Variants in EVI5 observed in about 807,000 individuals in gnomAD.
The protein encoded by EVI5 is ecotropic viral integration site 5 protein homolog.
A neutral mutation model predicts 112.0 loss-of-function variants in EVI5; 73 were observed. The ratio of observed to expected loss-of-function variants is 0.65; its 90% CI spans 0.54 to 0.79. The LOEUF is 0.79. Ranked by LOEUF, EVI5 falls within the 30% of genes least tolerant of loss-of-function variation. The pLI is 0.00. For synonymous variants in EVI5, 305 were observed against 319.9 expected, an observed-to-expected ratio of 0.95 and a Z score of 0.50; for missense variants, 900 against 968.8, an observed-to-expected ratio of 0.93 and a Z score of 0.94.
intron 1 of EVI5, among the ~76,000 whole-genome samples, chr1:92,790,304 G>C (rs924730032): frequency 6.6e-6 from 1 of 151,776 alleles, no homozygotes; most frequent in African/African-American, 2.4e-5. Flanking sequence ...GTGGGGCCCT[G>C]TCTCAAAAAT....
intron 1 of EVI5, chr1:92,756,316 G>A (rs564150492): frequency 2.1e-6 from 1 of 467,350 alleles, no homozygotes; most frequent in Admixed American, 2.3e-5. Flanking sequence ...GCTGGCCAAC[G>A]ATTTGCCTGG....
At chr1:92,608,298 A>T (rs1276758222) in intron 16 of EVI5, among the ~76,000 whole-genome samples, 1 of 152,254 alleles carries the variant, frequency 6.6e-6, no homozygotes, top group African/African-American at 2.4e-5. Context: ...TCTTATACAC[A>T]ACTTGAAGGT....
chr1:92,607,402 C>T (rs1166990413), intron 17 of EVI5, 179 bp downstream of exon 17: 4 of 440,168 alleles, frequency 9.1e-6, no homozygotes, highest in Non-Finnish European at 1.6e-5. Flanking sequence ...AAAATCCACC[C>T]CAGAAGCAAG....
intron 9 of EVI5, among the ~76,000 whole-genome samples, chr1:92,679,653 T>G (rs539633598): frequency 3.3e-5 from 5 of 152,204 alleles, no homozygotes; most frequent in Admixed American, 6.5e-5. Flanking sequence ...TTGTTATAAT[T>G]AATGAACCAA....
chr1:92,623,873 A>G (rs1470538876), intron 16 of EVI5, among the ~76,000 whole-genome samples: 1 of 152,240 alleles, frequency 6.6e-6, no homozygotes, highest in Admixed American at 6.5e-5. Context: ...GTTGAGGTTG[A>G]GAAATTTTGC....
At chr1:92,682,311 A>G (rs1305027920) in intron 9 of EVI5, among the ~76,000 whole-genome samples, 6 of 152,098 alleles carry the variant, frequency 3.9e-5, no homozygotes, top group African/African-American at 1.4e-4. Flanking sequence ...AAGAGTGCTC[A>G]TCTCTCCATG....
chr1:92,706,222 CA>C (rs1251379507), intron 2 of EVI5, among the ~76,000 whole-genome samples: 1 of 151,764 alleles, frequency 6.6e-6, no homozygotes, highest in Non-Finnish European at 1.5e-5. Flanking sequence ...TATTTCAGAA[CA>C]AGGTCTCTGA....
rs913851744 is a variant in EVI5 at position 92,528,045 on chromosome 1, G to A, written c.2167-14075C>T. 6.6e-5 allele frequency among the ~76,000 whole-genome samples: 10 copies of A among 152,122 alleles called. No individual in the cohort carries two copies. The South Asian group carries it at 8.3e-4, about 13-fold the overall frequency. On this transcript the variant is annotated intron_variant, in intron 19 of 19. Coordinates refer to ENST00000684568, the MANE Select transcript of EVI5 (RefSeq NM_001350197.2). ...CCATTTTCCACAGAGTTTGTAATAG[G>A]CTCCTTACTTTTTGCAAGAGAACTT...
In EVI5 at chr1:92,719,099, C is replaced by T. The variant is rs1012919770; in HGVS notation, c.150-14355G>A. On this transcript the variant is annotated intron_variant, in intron 2 of 19. Transcript: ENST00000684568. ...GTTCAGGACCAGATGGATTCACAGC[C>T]GAATTCTACCAGAGGTACAAAGAGG... Among the ~76,000 whole-genome samples the T allele has an allele frequency of 1.3e-4, 20 of 150,758 alleles. 1 individual carries two copies. In the South Asian group the frequency reaches 2.7e-3, roughly 20 times the overall value.
intron 19 of EVI5, among the ~76,000 whole-genome samples, chr1:92,532,491 G>A (rs7414742): frequency 6.6e-6 from 1 of 151,850 alleles, no homozygotes; most frequent in Non-Finnish European, 1.5e-5. Context: ...TGTTCTTCTC[G>A]GCACCGCATC....
At chr1:92,632,225 T>A (rs1010825145) in intron 14 of EVI5, among the ~76,000 whole-genome samples, 3 of 152,234 alleles carry the variant, frequency 2.0e-5, no homozygotes, top group African/African-American at 7.2e-5. Context: ...TCCCTCTTTT[T>A]CTATTGATTG....
intron 2 of EVI5, among the ~76,000 whole-genome samples, chr1:92,735,465 G>A (rs1173797576): frequency 6.6e-6 from 1 of 151,612 alleles, no homozygotes; most frequent in Non-Finnish European, 1.5e-5. Context: ...TACAGTTTAC[G>A]CATAGTTGAT....
intron 2 of EVI5, among the ~76,000 whole-genome samples, chr1:92,734,100 T>C (rs1470928032): frequency 6.6e-6 from 1 of 152,234 alleles, no homozygotes; most frequent in African/African-American, 2.4e-5. Flanking sequence ...TCATGATGTA[T>C]AAATTGATGT....
Position 92,614,868 on chromosome 1 carries a change from ATATATATATATATATATC to A in EVI5, c.1828-7159_1828-7142del, listed in dbSNP as rs1460671153. ...TATATATATATATATATATATATAT[ATATATATATATATATATC>A]TCCTATTATTCCTATATATATCCTA... On this transcript the variant is annotated intron_variant, in intron 16 of 19. Transcript: ENST00000684568. Among the ~76,000 whole-genome samples, 22 of 9,680 alleles carry A rather than the reference ATATATATATATATATATC, an allele frequency of 2.3e-3. No individual in the cohort carries two copies. The East Asian group carries it at 0.026, about 12-fold the overall frequency. 6.4% of individuals were successfully genotyped at this position (9,680 alleles called of 152,430 possible).
At chr1:92,516,500 CTA>C (rs1327097690) in intron 19 of EVI5, among the ~76,000 whole-genome samples, 2 of 152,116 alleles carry the variant, frequency 1.3e-5, no homozygotes, top group Admixed American at 6.5e-5. Context: ...AGGTAAGCGA[CTA>C]TGTGGTAAAA....
Position 92,614,427 on chromosome 1 carries a change from T to C in EVI5, c.1828-6700A>G, listed in dbSNP as rs1479263667. ...AATACTAAGTGTCAACTTGATTGGA[T>C]TGAAGGATATAAAGTATTGATCCTG... On this transcript the variant is annotated intron_variant, in intron 16 of 19. Transcript: ENST00000684568. 2.6e-5 allele frequency among the ~76,000 whole-genome samples: 4 copies of C among 152,182 alleles called. 1 individual carries two copies. The South Asian group carries it at 8.3e-4, about 32-fold the overall frequency.
At chr1:92,639,962 G>A (rs895202987) in intron 13 of EVI5, among the ~76,000 whole-genome samples, 10 of 152,068 alleles carry the variant, frequency 6.6e-5, no homozygotes, top group Admixed American at 4.6e-4. Context: ...AAATAACACC[G>A]TACTTCTACA....
intron 9 of EVI5, among the ~76,000 whole-genome samples, chr1:92,681,342 A>G (rs1411428413): frequency 6.6e-6 from 1 of 152,194 alleles, no homozygotes; most frequent in Non-Finnish European, 1.5e-5. Flanking sequence ...CACACACACT[A>G]TATTTATATA....
At chr1:92,554,206 T>C (rs969641992) in intron 19 of EVI5, among the ~76,000 whole-genome samples, 1 of 152,232 alleles carries the variant, frequency 6.6e-6, no homozygotes, top group African/African-American at 2.4e-5. Context: ...TGAGTAGATT[T>C]TTACTAACTA....
Sources: allele counts gnomAD v4.1 joint callset (sites outside exome capture counted in the v4.1 genomes callset), GRCh38; gene constraint gnomAD v4.1.1; transcripts MANE v1.5; gene names NCBI Gene and HGNC (gene_info 2026-07-23, HGNC 2026-07-21).